PPP1R1C: variants seen among roughly 807,000 people sequenced by gnomAD.
The protein encoded by PPP1R1C is protein phosphatase 1 regulatory inhibitor subunit 1C, also known as protein phosphatase 1 regulatory subunit 1C.
Under a neutral mutation model 17.4 loss-of-function variants are expected in PPP1R1C, and 15 were observed. The observed-to-expected ratio is 0.86, with a 90% CI of 0.58 to 1.33. The LOEUF (loss-of-function observed/expected upper bound fraction) is 1.33, where lower values mean the gene tolerates loss of function less well. Among genes scored for constraint, PPP1R1C ranks in the 40% most tolerant of loss-of-function variants. The pLI is 0.00. For missense variants in PPP1R1C, 143 were observed against 130.0 expected, an observed-to-expected ratio of 1.10 and a Z score of -0.48; for synonymous variants, 35 against 43.1, an observed-to-expected ratio of 0.81 and a Z score of 0.73.
At chr2:182,008,568 A>G (rs370530860) in intron 2 of PPP1R1C, among the ~76,000 whole-genome samples, 2 of 152,202 alleles carry the variant, frequency 1.3e-5, no homozygotes, top group East Asian at 3.9e-4. Flanking sequence ...GAATATATTT[A>G]TGGGGTACAT....
At chr2:182,066,044 A>G (rs1028114939) in intron 4 of PPP1R1C, among the ~76,000 whole-genome samples, 2 of 152,128 alleles carry the variant, frequency 1.3e-5, no homozygotes, top group Non-Finnish European at 2.9e-5. Context: ...GGAGACTTCA[A>G]TTATGCCTGA....
chr2:182,101,621 C>T (rs1197005556), intron 4 of PPP1R1C, among the ~76,000 whole-genome samples: 2 of 152,188 alleles, frequency 1.3e-5, no homozygotes, highest in East Asian at 1.9e-4. Flanking sequence ...GATTGAGTAA[C>T]TGTTTCTTGC....
intron 2 of PPP1R1C, among the ~76,000 whole-genome samples, chr2:182,036,659 CTT>C (rs1334351150): frequency 6.6e-6 from 1 of 152,016 alleles, no homozygotes; most frequent in Non-Finnish European, 1.5e-5. Context: ...ATTATTATAA[CTT>C]AACCTGATAT....
chr2:182,088,639 T>TG lies in PPP1R1C; in HGVS notation c.241+24854dup, dbSNP rs1225206061. On this transcript the variant is annotated intron_variant, in intron 4 of 4. Coordinates refer to ENST00000682840, the MANE Select transcript of PPP1R1C (RefSeq NM_001080545.3). ...GAGTTTGGCAGTGAGGCAAGGCTAA[T>TG]GGGGGGTTTGGCAGTTTTCTTATCA... 2.0e-5 allele frequency among the ~76,000 whole-genome samples: 3 copies of TG among 152,190 alleles called. No homozygotes were observed. In the South Asian group the frequency reaches 6.2e-4, roughly 32 times the overall value.
chr2:181,961,372 T>G lies in PPP1R1C; in HGVS notation n.111+6738T>G, dbSNP rs1464253166. 1.1e-5 allele frequency: 8 copies of G among 716,514 alleles called. No homozygotes were observed. The highest frequency in any genetic ancestry group is 2.0e-5 in the Admixed American group (1 of 50,618). The allele number at this position is 716,514 out of a possible 1,614,324, so 44.4% of individuals were successfully genotyped here. On this transcript the variant is annotated intron_variant and non_coding_transcript_variant, in intron 1 of 5. Coordinates refer to the PPP1R1C transcript ENST00000464264. The surrounding 1 kb of genome is among the most constrained non-coding windows in gnomAD (Gnocchi z 5.8). ...GGCGCTCTCAGCCTCCAGCTTGACCTTGATGTTCAGCAGAGCCTCGTACTC... is the reference window on the plus strand; with the variant it reads ...GGCGCTCTCAGCCTCCAGCTTGACCGTGATGTTCAGCAGAGCCTCGTACTC...
chr2:182,094,982 T>G (rs961202059), intron 4 of PPP1R1C, among the ~76,000 whole-genome samples: 1 of 152,308 alleles, frequency 6.6e-6, no homozygotes, highest in East Asian at 1.9e-4. Context: ...TGGAAGCTCA[T>G]GAACCCCATT....
In PPP1R1C at chr2:182,036,786, G is replaced by A. The variant is rs553216629; in HGVS notation, c.143-24656G>A. 2.0e-5 allele frequency among the ~76,000 whole-genome samples: 3 copies of A among 152,226 alleles called. No individual in the cohort carries two copies. In the East Asian group the frequency reaches 5.8e-4, roughly 29 times the overall value. ...GCACCAACCTAATATGTGTGTGTAT[G>A]TGTATGTATAATACATGTACTATTA... On this transcript the variant is annotated intron_variant, in intron 2 of 4. Transcript: ENST00000682840.
intron 2 of PPP1R1C, among the ~76,000 whole-genome samples, chr2:182,028,908 C>T (rs1157644069): frequency 3.9e-4 from 44 of 113,506 alleles, no homozygotes; most frequent in African/African-American, 1.3e-3. Context: ...GTATTGGGTG[C>T]ATATATATTT....
downstream of PPP1R1C, among the ~76,000 whole-genome samples, chr2:182,121,996 C>T (rs1689744818): frequency 6.6e-6 from 1 of 152,130 alleles, no homozygotes; most frequent in South Asian, 2.1e-4. Context: ...TTCTCTTCTC[C>T]TCCTGGCCAC....
At chr2:181,977,132 T>TAAAAAAAA (rs67129466) in intron 2 of PPP1R1C, among the ~76,000 whole-genome samples, 8 of 19,848 alleles carry the variant, frequency 4.0e-4, no homozygotes, top group African/African-American at 7.2e-4. Flanking sequence ...AGAATCTATC[T>TAAAAAAAA]AAAAAAAAAA....
At chr2:182,031,390 A>T (rs901661711) in intron 2 of PPP1R1C, among the ~76,000 whole-genome samples, 1 of 152,224 alleles carries the variant, frequency 6.6e-6, no homozygotes, top group Admixed American at 6.5e-5. Flanking sequence ...CATTATTTTT[A>T]TGTGAAGAAA....
intron 2 of PPP1R1C, among the ~76,000 whole-genome samples, chr2:182,014,083 T>A (rs2125157815): frequency 6.6e-6 from 1 of 152,352 alleles, no homozygotes; most frequent in South Asian, 2.1e-4. Context: ...CTGGATGGTC[T>A]TGATGTTTGT....
intron 4 of PPP1R1C, among the ~76,000 whole-genome samples, chr2:182,079,264 T>A (rs1375587726): frequency 1.3e-5 from 2 of 152,236 alleles, no homozygotes; most frequent in Non-Finnish European, 2.9e-5. Context: ...TGTGTTTATT[T>A]TAGTATATTA....
rs868589375 is a variant in PPP1R1C at position 182,025,298 on chromosome 2, G to C, written c.143-36144G>C. ...ATGTATACATGTGCCATGCTGGTGC[G>C]CTGCACCCACTAACTCATCATCTAG... On this transcript the variant is annotated intron_variant, in intron 2 of 4. Transcript: ENST00000682840. Among the ~76,000 whole-genome samples, 233 of 143,418 alleles carry C rather than the reference G, an allele frequency of 1.6e-3. 3 individuals carry two copies. Among genetic ancestry groups the C allele is most frequent in the African/African-American group, 5.6e-3 (217 of 38,980 alleles). The allele number at this position is 143,418 out of a possible 152,430, so 94.1% of individuals were successfully genotyped here. A position where few individuals can be genotyped will look rare whatever the true frequency, so the allele number is the denominator to read the frequency against.
intron 1 of PPP1R1C, among the ~76,000 whole-genome samples, chr2:181,956,601 G>A (rs1336760748): frequency 6.6e-6 from 1 of 152,206 alleles, no homozygotes; most frequent in Admixed American, 6.5e-5. Flanking sequence ...ACTGGTGTGA[G>A]ATGGTATCTC....
At chr2:182,009,056 A>G (rs1686012301) in intron 2 of PPP1R1C, among the ~76,000 whole-genome samples, 1 of 152,148 alleles carries the variant, frequency 6.6e-6, no homozygotes, top group African/African-American at 2.4e-5. Context: ...ATTGCTTCCA[A>G]ATCTTGGCTA....
chr2:182,121,929 A>G (rs1689743390), downstream of PPP1R1C, among the ~76,000 whole-genome samples: 1 of 152,176 alleles, frequency 6.6e-6, no homozygotes, highest in South Asian at 2.1e-4. Flanking sequence ...AACTCCAGAT[A>G]TTAAAGAACA....
At chr2:181,991,329 A>G (rs1251734301) in intron 2 of PPP1R1C, among the ~76,000 whole-genome samples, 1 of 152,184 alleles carries the variant, frequency 6.6e-6, no homozygotes, top group Admixed American at 6.5e-5. Flanking sequence ...GGGGCAGCAT[A>G]ATGTCCCATC....
At chr2:182,024,907 C>T (rs1016465530) in intron 2 of PPP1R1C, among the ~76,000 whole-genome samples, 8 of 147,538 alleles carry the variant, frequency 5.4e-5, no homozygotes, top group Non-Finnish European at 1.2e-4. Context: ...CTAGCAATAT[C>T]GTGGATAGTA....
Sources: allele counts gnomAD v4.1 joint callset (sites outside exome capture counted in the v4.1 genomes callset), GRCh38; gene constraint gnomAD v4.1.1; non-coding constraint Gnocchi (gnomAD v3.1); transcripts MANE v1.5; gene names NCBI Gene and HGNC (gene_info 2026-07-23, HGNC 2026-07-21).